Variants in PAX2 observed in about 807,000 individuals in gnomAD.
PAX2 encodes the protein paired box 2, also known as paired box protein Pax-2.
In PAX2, 9 loss-of-function variants were observed where a neutral mutation model predicts 41.7. The observed-to-expected ratio is 0.22, with a 90% CI of 0.13 to 0.38. PAX2 has a LOEUF of 0.38. PAX2 is among the 10% of genes least tolerant of loss of function. The pLI is 1.00. For synonymous variants in PAX2, 221 were observed against 212.7 expected (o/e 1.04, Z -0.34); for missense variants, 418 against 531.6 (o/e 0.79, Z 2.10).
chr10:100,754,708 T>G (rs1342617753), intron 3 of PAX2, among the ~76,000 whole-genome samples: 1 of 152,236 alleles, frequency 6.6e-6, no homozygotes, highest in Non-Finnish European at 1.5e-5. Flanking sequence ...CTGGGAGCTA[T>G]TAATCCTAGC....
In PAX2 at chr10:100,806,613, G is replaced by T; in HGVS notation, c.792+8G>T. The T allele has an allele frequency of 6.2e-7, 1 of 1,613,170 alleles. No homozygotes were observed. ...CACATCAAATCAGAACAGGTGAGGAGGGAGCTTTCTGCTTGCAGAAGTAGA... is the reference window on the plus strand; with the variant it reads ...CACATCAAATCAGAACAGGTGAGGATGGAGCTTTCTGCTTGCAGAAGTAGA... On this transcript the variant is annotated splice_region_variant and intron_variant, in intron 6 of 9. Transcript: ENST00000355243.
intron 7 of PAX2, among the ~76,000 whole-genome samples, chr10:100,823,539 A>G (rs1471718221): frequency 2.0e-5 from 3 of 152,198 alleles, no homozygotes; most frequent in Non-Finnish European, 1.5e-5. Flanking sequence ...CCAGGTATGC[A>G]TAGTTCTGTT....
At chr10:100,787,407 G>C (rs1846911946) in intron 5 of PAX2, among the ~76,000 whole-genome samples, 1 of 152,188 alleles carries the variant, frequency 6.6e-6, no homozygotes, top group African/African-American at 2.4e-5. Flanking sequence ...TGTAAAAGTG[G>C]AAATCAATTT....
intron 1 of PAX2, 183 bp from the exon 2 acceptor site, chr10:100,749,563 G>T (rs1192767662): frequency 5.0e-6 from 7 of 1,399,108 alleles, no homozygotes; most frequent in South Asian, 3.4e-5. Context: ...TCAGCCCAGC[G>T]TCTGTGCTTC....
chr10:100,745,343 GCTCC>G (rs1184514145), upstream of PAX2, among the ~76,000 whole-genome samples: 5 of 147,456 alleles, frequency 3.4e-5, no homozygotes, highest in African/African-American at 5.0e-5. Flanking sequence ...TTCGCCGGCT[GCTCC>G]CTCCCTCCCT....
chr10:100,743,712 C>T (rs539356404), upstream of PAX2, among the ~76,000 whole-genome samples: 7 of 152,334 alleles, frequency 4.6e-5, 2 homozygotes, highest in African/African-American at 1.7e-4. Context: ...TCGGTCCCTA[C>T]ACGAAGTTAG....
At chr10:100,780,609 T>G (rs933139645) in intron 4 of PAX2, among the ~76,000 whole-genome samples, 4 of 152,152 alleles carry the variant, frequency 2.6e-5, no homozygotes, top group Non-Finnish European at 4.4e-5. Flanking sequence ...AATCTTGCCC[T>G]AAGGGGGAAA....
chr10:100,773,019 A>C (rs1473916936), intron 3 of PAX2, among the ~76,000 whole-genome samples: 2 of 152,198 alleles, frequency 1.3e-5, no homozygotes, highest in African/African-American at 4.8e-5. Flanking sequence ...AAGGGACTGA[A>C]AATAGAAGTT....
chr10:100,792,856 C>G (rs551471723), intron 5 of PAX2, among the ~76,000 whole-genome samples: 1 of 152,234 alleles, frequency 6.6e-6, no homozygotes, highest in Non-Finnish European at 1.5e-5. Flanking sequence ...AGTGTCAGCT[C>G]TCGCTGTTGT....
rs757531204 is a variant in PAX2, at chr10:100,749,939, G to A, written c.212+25G>A. ...GGTGAGGGCTTCGCAGCTGTCCCGG[G>A]AGACGCCTTGCCTACTTCCCCGGCC... On this transcript the variant is annotated intron_variant, in intron 2 of 9. Coordinates refer to ENST00000355243, the MANE Select transcript of PAX2 (RefSeq NM_000278.5). The A allele has an allele frequency of 3.1e-6, 5 of 1,607,426 alleles. No homozygotes were observed. The South Asian group carries it at 3.3e-5, about 11-fold the overall frequency.
Position 100,748,225 on chromosome 10 carries a change from C to T in PAX2, c.44-1521C>T. On this transcript the variant is annotated intron_variant, in intron 1 of 9. Coordinates refer to ENST00000355243, the MANE Select transcript of PAX2 (RefSeq NM_000278.5). This position sits in a 1 kb window ranked among gnomAD's most constrained non-coding sequence, Gnocchi z 5.0. Reference sequence around the variant, plus strand: ...TCTTTAATCTGCCCGCAGCTGCCGCCTTTTCATACCGGTAACGCGAGTTCT... The same window carrying T: ...TCTTTAATCTGCCCGCAGCTGCCGCTTTTTCATACCGGTAACGCGAGTTCT... 2 of 985,148 alleles carry T rather than the reference C, an allele frequency of 2.0e-6. No individual in the cohort carries two copies. The highest frequency in any genetic ancestry group is 2.4e-6 in the Non-Finnish European group (2 of 829,900). 61.0% of individuals were successfully genotyped at this position (985,148 alleles called of 1,614,324 possible).
chr10:100,825,998 G>T (rs961477422), intron 8 of PAX2, among the ~76,000 whole-genome samples: 1 of 151,930 alleles, frequency 6.6e-6, no homozygotes, highest in African/African-American at 2.4e-5. Context: ...AGGTGGGGAA[G>T]AGGGGAGCCG....
At chr10:100,742,567 C>A (rs1564701520), upstream of PAX2, among the ~76,000 whole-genome samples, 1 of 152,148 alleles carries the variant, frequency 6.6e-6, no homozygotes. Context: ...TGCACAGAGG[C>A]GGCTAATGAA....
In PAX2 at chr10:100,824,918, C is replaced by G. The variant is rs1848498110; in HGVS notation, c.1021+169C>G. On this transcript the variant is annotated intron_variant, in intron 8 of 9. Transcript: ENST00000355243. This position sits in a 1 kb window ranked among gnomAD's most constrained non-coding sequence, Gnocchi z 6.6. ...TCTCCTTAGAGGCTGCAGTTGGTCC[C>G]TCATCCTCCCTCATGAGCAAGCCGG... The G allele has an allele frequency of 6.2e-7, 1 of 1,614,084 alleles. No individual in the cohort carries two copies. Among genetic ancestry groups the G allele is most frequent in the Non-Finnish European group, 8.5e-7 (1 of 1,179,932 alleles).
intron 3 of PAX2, among the ~76,000 whole-genome samples, chr10:100,761,934 G>A (rs1283208462): frequency 6.6e-6 from 1 of 152,144 alleles, no homozygotes; most frequent in Non-Finnish European, 1.5e-5. Flanking sequence ...ACATTATTCT[G>A]GTTTCCCACC....
chr10:100,824,586 G>A lies in PAX2; in HGVS notation c.920-62G>A. 2.7e-6 allele frequency: 3 copies of A among 1,108,834 alleles called. No homozygotes were observed. Among genetic ancestry groups the A allele is most frequent in the Non-Finnish European group, 2.8e-6 (2 of 718,132 alleles). 68.7% of individuals were successfully genotyped at this position (1,108,834 alleles called of 1,614,324 possible). Reference sequence around the variant, plus strand: ...AGTTTCCTCTCCGTGCAGTACCCTGGTGTGAGTAGAGGCAGGCCCCTTTCT... The same window carrying A: ...AGTTTCCTCTCCGTGCAGTACCCTGATGTGAGTAGAGGCAGGCCCCTTTCT... On this transcript the variant is annotated intron_variant, in intron 7 of 9. Coordinates refer to ENST00000355243, the MANE Select transcript of PAX2 (RefSeq NM_000278.5). This position sits in a 1 kb window ranked among gnomAD's most constrained non-coding sequence, Gnocchi z 6.6.
Position 100,748,724 on chromosome 10 carries a change from T to A in PAX2, c.44-1022T>A. On this transcript the variant is annotated intron_variant, in intron 1 of 9. Transcript: ENST00000355243. This position sits in a 1 kb window ranked among gnomAD's most constrained non-coding sequence, Gnocchi z 5.0. ...ATCGGGAGCCCGCGCTGGAGCCGGG[T>A]TGGAAACCCCGTGCCCTTCTCTTGG... 1 of 985,304 alleles carries A rather than the reference T, an allele frequency of 1.0e-6. No individual in the cohort carries two copies. The highest frequency in any genetic ancestry group is 1.7e-5 in the African/African-American group (1 of 57,308). 61.0% of individuals were successfully genotyped at this position (985,304 alleles called of 1,614,324 possible).
Position 100,749,771 on chromosome 10 carries a change from CG to C in PAX2, c.76del (p.Val26CysfsTer3), listed in dbSNP as rs75462234. ...HPGHGGVNQL[G>X]GVFVNGRPLP... ...CAGGGCACGGGGGTGTGAACCAGCT[CG>C]GGGGGGTGTTTGTGAACGGCCGGCC... is the stretch of plus-strand genomic sequence containing the variant. On this transcript the variant is annotated frameshift_variant, in exon 2 of 10. Coordinates refer to ENST00000355243, the MANE Select transcript of PAX2 (RefSeq NM_000278.5). LOFTEE classifies it high-confidence loss of function. 2 of 1,611,256 alleles carry C rather than the reference CG, an allele frequency of 1.2e-6. No homozygotes were observed. Among genetic ancestry groups the C allele is most frequent in the Non-Finnish European group, 1.7e-6 (2 of 1,178,504 alleles).
chr10:100,806,398 G>A (rs755043368), intron 5 of PAX2, 32 bp from the exon 6 acceptor site: 7 of 1,612,562 alleles, frequency 4.3e-6, no homozygotes, highest in Admixed American at 3.3e-5. Context: ...CTGGCCTGGC[G>A]CTAACGCCCC....
Sources: gnomAD v4.1 joint callset for allele counts (sites outside exome capture counted in the v4.1 genomes callset) on GRCh38, gnomAD v4.1.1 for gene constraint, Gnocchi (gnomAD v3.1) non-coding constraint, MANE v1.5 for transcripts, NCBI Gene and HGNC (gene_info 2026-07-23, HGNC 2026-07-21) for gene names.